Variants in TET3 observed in about 807,000 individuals in gnomAD.
The protein encoded by TET3 is methylcytosine dioxygenase TET3.
In TET3, 19 loss-of-function variants were observed where a neutral mutation model predicts 141.4. That is an observed-to-expected ratio of 0.13 (90% CI 0.09 to 0.20). TET3 has a LOEUF of 0.20. Among genes scored for constraint, TET3 ranks in the 10% least tolerant of loss-of-function variants. TET3 has a pLI of 1.00. For missense variants in TET3, 1,874 were observed against 2,356.9 expected, an observed-to-expected ratio of 0.80 and a Z score of 4.24; for synonymous variants, 1,043 against 980.9, an observed-to-expected ratio of 1.06 and a Z score of -1.18.
chr2:74,060,304 G>A (rs1688432654), intron 4 of TET3, among the ~76,000 whole-genome samples: 1 of 152,120 alleles, frequency 6.6e-6, no homozygotes, highest in Non-Finnish European at 1.5e-5. Flanking sequence ...TTCTGTTCAA[G>A]TTCCGGTTCA....
chr2:74,078,897 A>G (rs780670496), intron 5 of TET3, among the ~76,000 whole-genome samples: 1 of 152,250 alleles, frequency 6.6e-6, no homozygotes, highest in Non-Finnish European at 1.5e-5. Context: ...ATAATTCTTG[A>G]TTAAAAATCC....
chr2:74,046,295 C>A lies in TET3; in HGVS notation c.378C>A (p.Ser126Arg). ...CTCTTTAGACAGGCTCAGAGCTCAG[C>A]CCAGTTGATGGACCTGTTCCAGGTC... Reference protein sequence around the residue: ...GAAVKTGSELSPVDGPVPGQM... With the variant: ...GAAVKTGSELRPVDGPVPGQM... The change falls in exon 4 of 12, where the codon AGC (serine) becomes AGA (arginine). Residue 126 changes from serine to arginine, a missense_variant. Around this residue, in one of 10 missense-constraint regions of TET3, gnomAD observed 366 missense variants for 487.0 expected, o/e 0.75. Coordinates refer to ENST00000409262, the MANE Select transcript of TET3 (RefSeq NM_001287491.2). The surrounding 1 kb of genome is among the most constrained non-coding windows in gnomAD (Gnocchi z 4.3). The A allele has an allele frequency of 6.6e-7, 1 of 1,511,848 alleles. No individual in the cohort carries two copies. The highest frequency in any genetic ancestry group is 1.4e-5 in the South Asian group (1 of 73,706). 93.7% of individuals were successfully genotyped at this position (1,511,848 alleles called of 1,614,324 possible).
the TET3 span, among the ~76,000 whole-genome samples, chr2:74,124,898 G>A: frequency 0.049 from 5,494 of 111,192 alleles, 261 homozygotes; most frequent in African/African-American, 0.15. Flanking sequence ...CCCCCTCTCC[G>A]AGAAACACCC....
In TET3 at chr2:74,101,656, A is replaced by G. The variant is rs376078807; in HGVS notation, c.4868A>G (p.Lys1623Arg). 3 of 1,613,586 alleles carry G rather than the reference A, an allele frequency of 1.9e-6. No individual in the cohort carries two copies. The African/African-American group carries it at 4.0e-5, about 22-fold the overall frequency. ...AEEPPSKGAV[K>R]EEKGGGGAEE... The stretch of plus-strand genomic sequence containing the variant: ...GAGCCCCCCAGCAAGGGAGCGGTGA[A>G]GGAGGAGAAGGGCGGTGGTGGTGCG... The change falls in exon 12 of 12, where the codon AAG becomes AGG. Residue 1623 changes from lysine to arginine, a missense_variant. By Grantham distance (26) the Lys-to-Arg change is conservative. Transcript: ENST00000409262. This position sits in a 1 kb window ranked among gnomAD's most constrained non-coding sequence, Gnocchi z 8.5.
At position 74,102,352 on chromosome 2, in the gene TET3, G is replaced by A. The variant is rs1691273750; in HGVS notation, c.*176G>A. 8 of 1,025,312 alleles carry A rather than the reference G, an allele frequency of 7.8e-6. No individual in the cohort carries two copies. Among genetic ancestry groups the A allele is most frequent in the South Asian group, 5.1e-5 (1 of 19,686 alleles). The allele number at this position is 1,025,312 out of a possible 1,614,324, so 63.5% of individuals were successfully genotyped here. ...ATGGTCCAAACCTCAGAACTGACCC[G>A]CCCCTCCCTTACCCCCACTTCCCCA... On this transcript the variant is annotated 3_prime_UTR_variant, in exon 12 of 12. Coordinates refer to ENST00000409262, the MANE Select transcript of TET3 (RefSeq NM_001287491.2).
At chr2:73,996,190 G>C (rs189443922) in intron 2 of TET3, among the ~76,000 whole-genome samples, 1 of 152,310 alleles carries the variant, frequency 6.6e-6, no homozygotes, top group East Asian at 1.9e-4. Flanking sequence ...GGAAGACCAG[G>C]TCCAGGGTCT....
chr2:74,078,921 C>G (rs1689656913), intron 5 of TET3, among the ~76,000 whole-genome samples: 1 of 152,178 alleles, frequency 6.6e-6, no homozygotes, highest in Admixed American at 6.5e-5. Flanking sequence ...GGACAGGAGA[C>G]TCTTAGTGGC....
intron 3 of TET3, among the ~76,000 whole-genome samples, chr2:74,028,060 C>T (rs1686470788): frequency 6.6e-6 from 1 of 151,894 alleles, no homozygotes; most frequent in Non-Finnish European, 1.5e-5. Flanking sequence ...TCATGGCTCA[C>T]TGCACCTGGA....
intron 4 of TET3, among the ~76,000 whole-genome samples, chr2:74,059,295 C>G (rs913653572): frequency 6.6e-6 from 1 of 152,096 alleles, no homozygotes; most frequent in Non-Finnish European, 1.5e-5. Flanking sequence ...CTGTGTTGAC[C>G]AGGCTGGAAC....
chr2:74,028,825 A>G (rs540731743), intron 3 of TET3, among the ~76,000 whole-genome samples: 5 of 152,360 alleles, frequency 3.3e-5, no homozygotes, highest in East Asian at 1.9e-4. Context: ...TGCCATGACA[A>G]TGTCAAATTG....
At chr2:74,134,738 G>A in the TET3 span, 14 of 456,594 alleles carry the variant, frequency 3.1e-5, no homozygotes, top group Non-Finnish European at 5.7e-5. Flanking sequence ...GGAAGCCTCC[G>A]TGGCTGGAGC....
chr2:74,101,671 G>A lies in TET3; in HGVS notation c.4883G>A (p.Gly1628Asp), dbSNP rs749531289. The A allele has an allele frequency of 2.5e-6, 4 of 1,613,718 alleles. No individual in the cohort carries two copies. The highest frequency in any genetic ancestry group is 1.1e-5 in the South Asian group (1 of 91,088). Reference sequence around the variant, plus strand: ...GGAGCGGTGAAGGAGGAGAAGGGCGGTGGTGGTGCGGAGGAGGAAGAGGAG... The same window carrying A: ...GGAGCGGTGAAGGAGGAGAAGGGCGATGGTGGTGCGGAGGAGGAAGAGGAG... ...SKGAVKEEKG[G>D]GGAEEEEEEL... Residue 1628 changes from glycine (G) to aspartate (D), a missense_variant, in exon 12 of 12, where the codon GGT (glycine) becomes GAT (aspartate). Coordinates refer to ENST00000409262, the MANE Select transcript of TET3 (RefSeq NM_001287491.2). This position sits in a 1 kb window ranked among gnomAD's most constrained non-coding sequence, Gnocchi z 8.5.
At chr2:74,039,031 T>C (rs1427196762) in intron 3 of TET3, among the ~76,000 whole-genome samples, 1 of 152,204 alleles carries the variant, frequency 6.6e-6, no homozygotes, top group African/African-American at 2.4e-5. Context: ...GACAGTTGCA[T>C]AGTCTCCTAA....
intron 3 of TET3, among the ~76,000 whole-genome samples, chr2:74,028,168 T>A (rs1052820037): frequency 1.1e-4 from 16 of 151,404 alleles, no homozygotes; most frequent in African/African-American, 3.7e-4. Flanking sequence ...AAAAAAAAAA[T>A]TATGTAGAGC....
Position 74,101,667 on chromosome 2 carries a change from G to T in TET3, c.4879G>T (p.Gly1627Cys). The change falls in exon 12 of 12, where the codon GGC (glycine) becomes TGC (cysteine). Residue 1627 changes from glycine to cysteine, a missense_variant. Around this residue, in one of 10 missense-constraint regions of TET3, gnomAD observed 602 missense variants for 590.2 expected, o/e 1.02. Coordinates refer to ENST00000409262, the MANE Select transcript of TET3 (RefSeq NM_001287491.2). This position sits in a 1 kb window ranked among gnomAD's most constrained non-coding sequence, Gnocchi z 8.5. Reference protein sequence around the residue: ...PSKGAVKEEKGGGGAEEEEEE... With the variant: ...PSKGAVKEEKCGGGAEEEEEE... ...CAAGGGAGCGGTGAAGGAGGAGAAG[G>T]GCGGTGGTGGTGCGGAGGAGGAAGA... 6.2e-7 allele frequency: 1 copy of T among 1,613,700 alleles called. No individual in the cohort carries two copies. The highest frequency in any genetic ancestry group is 1.7e-5 in the Admixed American group (1 of 60,012).
chr2:73,994,638 C>CTTTTTTTTT (rs572235939), intron 2 of TET3, among the ~76,000 whole-genome samples: 39 of 96,716 alleles, frequency 4.0e-4, no homozygotes, highest in East Asian at 5.5e-4. Flanking sequence ...TTCTTTCTTT[C>CTTTTTTTTT]TTTTTTTTTT....
At chr2:73,989,562 G>T (rs1348815441) in intron 2 of TET3, among the ~76,000 whole-genome samples, 1 of 152,062 alleles carries the variant, frequency 6.6e-6, no homozygotes, top group Non-Finnish European at 1.5e-5. Context: ...GGGTGCAGGG[G>T]AATCCCTCAG....
At chr2:74,048,833 G>C (rs1396625813) in intron 4 of TET3, among the ~76,000 whole-genome samples, 1 of 152,182 alleles carries the variant, frequency 6.6e-6, no homozygotes, top group Non-Finnish European at 1.5e-5. Context: ...AAGGGGTTGG[G>C]TATATGTGGA....
Position 74,100,784 on chromosome 2 carries a change from C to T in TET3, c.3996C>T (p.Tyr1332=), listed in dbSNP as rs752490503. The T allele has an allele frequency of 2.5e-5, 40 of 1,612,894 alleles. No individual in the cohort carries two copies. The highest frequency in any genetic ancestry group is 8.8e-5 in the South Asian group (8 of 90,828). ...TGCACAACAGCCTGAGCCCGGCCTA[C>T]GGTGGTGCTGAGTTTGCCGAGCTGC... The part of the protein sequence containing the change: ...HALHNSLSPA[Y]GGAEFAELPS... Residue 1332 remains tyrosine, a synonymous_variant, in exon 12 of 12, where the codon TAC becomes TAT. Coordinates refer to ENST00000409262, the MANE Select transcript of TET3 (RefSeq NM_001287491.2).
Sources: gnomAD v4.1 joint callset for allele counts (sites outside exome capture counted in the v4.1 genomes callset) on GRCh38, gnomAD v4.1.1 for gene constraint, gnomAD v4.1.1 regional missense constraint, Gnocchi (gnomAD v3.1) non-coding constraint, MANE v1.5 for transcripts, NCBI Gene and HGNC (gene_info 2026-07-23, HGNC 2026-07-21) for gene names.